The following ADNP2 variants were observed in gnomAD, a reference collection of about 807,000 sequenced individuals.
ADNP2 encodes ADNP homeobox 2.
ADNP2 carries 8 observed loss-of-function variants against 16.4 expected under a neutral mutation model. That is an observed-to-expected ratio of 0.49 (90% CI 0.29 to 0.88). ADNP2 has a LOEUF of 0.88. Among genes scored for constraint, ADNP2 ranks in the 40% least tolerant of loss-of-function variants. The probability of loss-of-function intolerance (pLI) is 0.09; values close to 1 mark genes in which losing one functional copy is unlikely to be tolerated. For synonymous variants in ADNP2, 637 were observed against 545.8 expected, an observed-to-expected ratio of 1.17 and a Z score of -2.33; for missense variants, 1,397 against 1,395.1, an observed-to-expected ratio of 1.00 and a Z score of -0.02.
chr18:80,131,196 C>G (rs2052493878), intron 2 of ADNP2, among the ~76,000 whole-genome samples: 1 of 152,120 alleles, frequency 6.6e-6, no homozygotes, highest in Non-Finnish European at 1.5e-5. Flanking sequence ...TTTCTGGCCT[C>G]TGGACCCCTT....
Position 80,138,417 on chromosome 18 carries a change from G to T in ADNP2, c.3004G>T (p.Ala1002Ser), listed in dbSNP as rs766866822. Residue 1002 changes from alanine (A) to serine (S), a missense_variant, in exon 4 of 4, where the codon GCC becomes TCC. By Grantham distance (99) the Ala-to-Ser change is moderately conservative. Transcript: ENST00000262198. ...HGEEQPPILN[A>S]DAAPGPEKVT... The stretch of plus-strand genomic sequence containing the variant: ...GGAGGAGCAGCCTCCCATCCTAAAT[G>T]CCGATGCAGCCCCGGGTCCAGAAAA... 5.6e-6 allele frequency: 9 copies of T among 1,614,050 alleles called. No individual in the cohort carries two copies. In the South Asian group the frequency reaches 6.6e-5, roughly 12 times the overall value.
chr18:80,122,609 T>C (rs1161874859), intron 2 of ADNP2, among the ~76,000 whole-genome samples: 1 of 152,232 alleles, frequency 6.6e-6, no homozygotes, highest in Non-Finnish European at 1.5e-5. Flanking sequence ...GTGTTCATAA[T>C]TTCCTGTTCA....
At position 80,136,383 on chromosome 18, in the gene ADNP2, C is replaced by A. The variant is rs571198421; in HGVS notation, c.970C>A (p.Pro324Thr). The change falls in exon 4 of 4, where the codon CCT becomes ACT. Residue 324 changes from proline to threonine, a missense_variant. Physicochemically the swap from Pro to Thr is conservative, Grantham distance 38 (BLOSUM62 -1). Around this residue, in one of 3 missense-constraint regions of ADNP2, gnomAD observed 777 missense variants for 719.4 expected, o/e 1.08. Transcript: ENST00000262198. ...CCCTGGAAGCCTCACTCATTCCCCC[C>A]CTGCTGCTGGCCAATCCCACATGAC... ...GAPGSLTHSP[P>T]AAGQSHMTLV... The A allele has an allele frequency of 4.2e-5, 67 of 1,614,100 alleles. No individual in the cohort carries two copies. The highest frequency in any genetic ancestry group is 8.3e-5 in the Admixed American group (5 of 60,014).
At chr18:80,111,874 T>C (rs2052359974) in intron 1 of ADNP2, among the ~76,000 whole-genome samples, 2 of 152,134 alleles carry the variant, frequency 1.3e-5, no homozygotes, top group African/African-American at 4.8e-5. Context: ...TATTTTTTTT[T>C]CTATAATAGA....
chr18:80,138,938 A>T lies in ADNP2; in HGVS notation c.*129A>T, dbSNP rs973545302. The T allele has an allele frequency of 1.4e-5, 12 of 863,738 alleles. No individual in the cohort carries two copies. Among genetic ancestry groups the T allele is most frequent in the Non-Finnish European group, 1.8e-5 (11 of 604,776 alleles). 53.5% of individuals were successfully genotyped at this position (863,738 alleles called of 1,614,324 possible). ...GGTCACTGTGCTGCTCTGCAGAGTTACTTCAGGTGCTGGAGAGACCCCTGT... is the reference window on the plus strand; with the variant it reads ...GGTCACTGTGCTGCTCTGCAGAGTTTCTTCAGGTGCTGGAGAGACCCCTGT... On this transcript the variant is annotated 3_prime_UTR_variant, in exon 4 of 4. Coordinates refer to ENST00000262198, the MANE Select transcript of ADNP2 (RefSeq NM_014913.4).
chr18:80,121,587 C>G (rs941176403), intron 2 of ADNP2, among the ~76,000 whole-genome samples: 6 of 152,088 alleles, frequency 3.9e-5, no homozygotes, highest in African/African-American at 1.4e-4. Flanking sequence ...TTTTTTATTT[C>G]ATATCTAAGA....
chr18:80,133,082 T>A (rs771123070), intron 2 of ADNP2, 21 bp from the exon 3 acceptor site: 1 of 1,498,454 alleles, frequency 6.7e-7, no homozygotes, highest in Non-Finnish European at 9.2e-7. Context: ...ATAATCTCTT[T>A]TTTTTCTCCC....
chr18:80,113,512 T>A (rs537494046), intron 1 of ADNP2, among the ~76,000 whole-genome samples: 1 of 152,370 alleles, frequency 6.6e-6, no homozygotes, highest in African/African-American at 2.4e-5. Context: ...TTTTTGATGC[T>A]AATTTATTCA....
intron 2 of ADNP2, among the ~76,000 whole-genome samples, chr18:80,122,488 T>C (rs2052431227): frequency 6.6e-6 from 1 of 152,254 alleles, no homozygotes; most frequent in Admixed American, 6.5e-5. Context: ...TCTGTTTCTT[T>C]AGGCCTTTAA....
chr18:80,117,095 A>G (rs1040682188), intron 1 of ADNP2, among the ~76,000 whole-genome samples: 2 of 152,256 alleles, frequency 1.3e-5, no homozygotes, highest in Non-Finnish European at 2.9e-5. Context: ...TTAGAAAGGA[A>G]TAATGGTTTG....
rs370537801 is a variant in ADNP2, at chr18:80,135,911, G to T, written c.498G>T (p.Leu166Phe). 3.7e-6 allele frequency: 6 copies of T among 1,614,192 alleles called. No individual in the cohort carries two copies. The South Asian group carries it at 4.4e-5, about 12-fold the overall frequency. ...TCLKCNFSNT[L>F]YYSMKKHVLV... Reference sequence around the variant, plus strand: ...TAAAATGTAACTTTTCAAACACTTTGTACTACAGCATGAAGAAGCATGTGC... The same window carrying T: ...TAAAATGTAACTTTTCAAACACTTTTTACTACAGCATGAAGAAGCATGTGC... Residue 166 changes from leucine (L) to phenylalanine (F), a missense_variant, in exon 4 of 4, where the codon TTG becomes TTT. Leu to Phe is a conservative substitution (Grantham distance 22). This residue lies in a region of ADNP2 where 777 missense variants were observed against 719.4 expected (regional missense o/e 1.08). Transcript: ENST00000262198.
Position 80,136,208 on chromosome 18 carries a change from C to T in ADNP2, c.795C>T (p.His265=). 1 of 1,614,250 alleles carries T rather than the reference C, an allele frequency of 6.2e-7. No homozygotes were observed. Among genetic ancestry groups the T allele is most frequent in the Non-Finnish European group, 8.5e-7 (1 of 1,180,036 alleles). The change falls in exon 4 of 4, where the codon CAC becomes CAT. Residue 265 remains histidine, a synonymous_variant. Coordinates refer to ENST00000262198, the MANE Select transcript of ADNP2 (RefSeq NM_014913.4). ...IKRTGLLKQT[H]IAPKPAAHLA... ...GGACTGGACTCTTGAAGCAAACGCA[C>T]ATTGCTCCAAAACCAGCAGCACATT...
chr18:80,136,070 G>T lies in ADNP2; in HGVS notation c.657G>T (p.Lys219Asn). ...CACCTGACAAATATTACTGTAAAAAGTGCAACGCCAATGCCAGCAGCCAGG... is the reference window on the plus strand; with the variant it reads ...CACCTGACAAATATTACTGTAAAAATTGCAACGCCAATGCCAGCAGCCAGG... ...IPPPDKYYCK[K>N]CNANASSQDA... Residue 219 changes from lysine to asparagine, a missense_variant, in exon 4 of 4, where the codon AAG becomes AAT. Physicochemically the swap from Lys to Asn is moderately conservative, Grantham distance 94. Around this residue, in one of 3 missense-constraint regions of ADNP2, gnomAD observed 777 missense variants for 719.4 expected, o/e 1.08. Coordinates refer to ENST00000262198, the MANE Select transcript of ADNP2 (RefSeq NM_014913.4). 1 of 1,614,186 alleles carries T rather than the reference G, an allele frequency of 6.2e-7. No homozygotes were observed. Among genetic ancestry groups the T allele is most frequent in the East Asian group, 2.2e-5 (1 of 44,888 alleles).
chr18:80,111,640 C>T (rs1046969128), intron 1 of ADNP2, among the ~76,000 whole-genome samples: 1 of 145,238 alleles, frequency 6.9e-6, no homozygotes, highest in Non-Finnish European at 1.5e-5. Context: ...GATCTCGGCT[C>T]ACTGCAACCT....
rs900382495 is a variant in ADNP2 at position 80,138,654 on chromosome 18, T to C, written c.3241T>C (p.Trp1081Arg). 2 of 1,611,936 alleles carry C rather than the reference T, an allele frequency of 1.2e-6. No individual in the cohort carries two copies. Among genetic ancestry groups the C allele is most frequent in the Non-Finnish European group, 1.7e-6 (2 of 1,179,576 alleles). Residue 1081 changes from tryptophan to arginine, a missense_variant, in exon 4 of 4, where the codon TGG becomes CGG. Trp to Arg is a moderately radical substitution (Grantham distance 101). Around this residue, in one of 3 missense-constraint regions of ADNP2, gnomAD observed 611 missense variants for 648.7 expected, o/e 0.94. Coordinates refer to ENST00000262198, the MANE Select transcript of ADNP2 (RefSeq NM_014913.4). ...KEIELLSSLF[W>R]VWKIDVASFF... ...AATAGAACTGTTGTCCTCACTCTTT[T>C]GGGTGTGGAAAATTGATGTGGCTTC...
At chr18:80,110,709 A>G (rs186986999) in intron 1 of ADNP2, among the ~76,000 whole-genome samples, 1 of 152,278 alleles carries the variant, frequency 6.6e-6, no homozygotes, top group Admixed American at 6.5e-5. Context: ...AGTGTGTATT[A>G]ATATTTCGGT....
Position 80,135,778 on chromosome 18 carries a change from G to C in ADNP2, c.365G>C (p.Arg122Thr). Reference protein sequence around the residue: ...VFASQPKVVGRHFRMFHAPVR... With the variant: ...VFASQPKVVGTHFRMFHAPVR... ...GCATCTCAGCCCAAAGTTGTGGGAA[G>C]GCACTTCAGAATGTTCCATGCACCT... The change falls in exon 4 of 4, where the codon AGG becomes ACG. Residue 122 changes from arginine to threonine, a missense_variant. Coordinates refer to ENST00000262198, the MANE Select transcript of ADNP2 (RefSeq NM_014913.4). 1 of 1,614,162 alleles carries C rather than the reference G, an allele frequency of 6.2e-7. No individual in the cohort carries two copies. Among genetic ancestry groups the C allele is most frequent in the Non-Finnish European group, 8.5e-7 (1 of 1,180,042 alleles).
intron 2 of ADNP2, among the ~76,000 whole-genome samples, chr18:80,131,848 A>C (rs772272317): frequency 2.2e-4 from 30 of 136,424 alleles, no homozygotes; most frequent in Non-Finnish European, 4.7e-4. Flanking sequence ...CGGGCCTGTC[A>C]TGGGGTGGGG....
chr18:80,122,503 T>C (rs1251129778), intron 2 of ADNP2, among the ~76,000 whole-genome samples: 1 of 152,232 alleles, frequency 6.6e-6, no homozygotes, highest in Non-Finnish European at 1.5e-5. Flanking sequence ...CTTTAATTTC[T>C]TTCGACAGTG....
Sources: allele counts gnomAD v4.1 joint callset (sites outside exome capture counted in the v4.1 genomes callset), GRCh38; gene constraint gnomAD v4.1.1; regional missense constraint gnomAD v4.1.1; transcripts MANE v1.5; gene names NCBI Gene and HGNC (gene_info 2026-07-23, HGNC 2026-07-21).